FYCO1: variants seen among roughly 807,000 people sequenced by gnomAD.
FYCO1 encodes FYVE and coiled-coil domain autophagy adaptor 1, also known as FYVE and coiled-coil domain-containing protein 1.
A neutral mutation model predicts 165.1 loss-of-function variants in FYCO1; 122 were observed. The observed-to-expected ratio is 0.74, with a 90% confidence interval of 0.64 to 0.86. The LOEUF (loss-of-function observed/expected upper bound fraction) is 0.86. FYCO1 is among the 40% of genes least tolerant of loss of function. The pLI is 0.00. For missense variants in FYCO1, 1,702 were observed against 1,810.3 expected, an observed-to-expected ratio of 0.94 and a Z score of 1.09; for synonymous variants, 648 against 742.5, an observed-to-expected ratio of 0.87 and a Z score of 2.07.
Position 45,923,714 on chromosome 3 carries a change from G to A in FYCO1, c.4303C>T (p.Gln1435Ter), listed in dbSNP as rs1703193571. 6.2e-7 allele frequency: 1 copy of A among 1,614,172 alleles called. No individual in the cohort carries two copies. The highest frequency in any genetic ancestry group is 8.5e-7 in the Non-Finnish European group (1 of 1,180,012). The change falls in exon 17 of 18, where the codon CAG becomes TAG. Residue 1435 changes from glutamine to a stop codon, truncating the protein, a stop_gained. Coordinates refer to ENST00000296137, the MANE Select transcript of FYCO1 (RefSeq NM_024513.4). LOFTEE classifies it high-confidence loss of function. Reference protein sequence around the residue: ...CNSHKENIQGQLKVRTPGIYM... With the variant: ...CNSHKENIQG Reference sequence around the variant, plus strand: ...ATGCCGGGTGTGCGAACCTTGAGCTGGCCCTGGATGTTCTCCTTGTGGGAG... The same window carrying A: ...ATGCCGGGTGTGCGAACCTTGAGCTAGCCCTGGATGTTCTCCTTGTGGGAG...
chr3:45,989,302 G>A (rs1457742083), intron 1 of FYCO1, among the ~76,000 whole-genome samples: 1 of 152,186 alleles, frequency 6.6e-6, no homozygotes, highest in African/African-American at 2.4e-5. Context: ...TTCTGGAAGA[G>A]TCCATTGCCT....
In FYCO1 at chr3:45,931,241, C is replaced by T. The variant is rs149020169; in HGVS notation, c.4081G>A (p.Gly1361Arg). 5.5e-5 allele frequency: 89 copies of T among 1,613,912 alleles called. No individual in the cohort carries two copies. Among genetic ancestry groups the T allele is most frequent in the Non-Finnish European group, 6.9e-5 (82 of 1,179,950 alleles). ...ACAAACAGCTCCCTGCTACCCTCCC[C>T]GAAGCTGGCGATCTCATCCACTGTG... ...PLTVDEIASF[G>R]EGSRELFVRS... is the part of the protein sequence containing the mutation. Residue 1361 changes from glycine to arginine, a missense_variant, in exon 16 of 18, where the codon GGG (glycine) becomes AGG (arginine). By Grantham distance (125) the Gly-to-Arg change is moderately radical. Coordinates refer to ENST00000296137, the MANE Select transcript of FYCO1 (RefSeq NM_024513.4).
In FYCO1 at chr3:45,966,378, C is replaced by G. The variant is rs1009952955; in HGVS notation, c.2956G>C (p.Glu986Gln). Residue 986 changes from glutamate (E) to glutamine (Q), a missense_variant, in exon 8 of 18, where the codon GAG becomes CAG. By Grantham distance (29) the Glu-to-Gln change is conservative. Coordinates refer to ENST00000296137, the MANE Select transcript of FYCO1 (RefSeq NM_024513.4). ...TCTTGGAGGCTCTGGGCCCGCTGCT[C>G]TGCCTGGGCGAGCTGGGCCTGCAGG... ...PGLQAQLAQA[E>Q]QRAQSLQEAA... 1 of 1,614,014 alleles carries G rather than the reference C, an allele frequency of 6.2e-7. No individual in the cohort carries two copies. Among genetic ancestry groups the G allele is most frequent in the East Asian group, 2.2e-5 (1 of 44,898 alleles).
chr3:45,963,638 C>T (rs1705826324), intron 10 of FYCO1, among the ~76,000 whole-genome samples: 1 of 152,210 alleles, frequency 6.6e-6, no homozygotes, highest in Admixed American at 6.5e-5. Context: ...ACTCCTCCTC[C>T]CTGCTACACC....
rs1575370511 is a variant in FYCO1 at position 45,967,560 on chromosome 3, G to C, written c.1774C>G (p.Gln592Glu). 9.3e-6 allele frequency: 15 copies of C among 1,613,906 alleles called. No individual in the cohort carries two copies. The East Asian group carries it at 2.9e-4, about 31-fold the overall frequency. ...AACTGTGCCTCCTGCAGGCCCCTCT[G>C]CTCCTCCTCTGGCTTCCCCCAGGCC... ...QEAWGKPEEEQRGLQEAQLDD... is the reference protein window; with the variant it reads ...QEAWGKPEEEERGLQEAQLDD... Residue 592 changes from glutamine to glutamate, a missense_variant, in exon 8 of 18, where the codon CAG becomes GAG. By Grantham distance (29) the Gln-to-Glu change is conservative. Transcript: ENST00000296137.
intron 4 of FYCO1, among the ~76,000 whole-genome samples, chr3:45,978,644 C>T (rs1463934857): frequency 6.6e-6 from 1 of 152,206 alleles, no homozygotes; most frequent in Non-Finnish European, 1.5e-5. Flanking sequence ...TTTAAACTGA[C>T]TTCACACTTA....
At position 45,993,647 on chromosome 3, in the gene FYCO1, G is replaced by A. The variant is rs188432228; in HGVS notation, c.-113+2075C>T. Among the ~76,000 whole-genome samples, 23 of 152,256 alleles carry A rather than the reference G, an allele frequency of 1.5e-4. No homozygotes were observed. Among genetic ancestry groups the A allele is most frequent in the Admixed American group, 1.4e-3 (21 of 15,298 alleles). The stretch of plus-strand genomic sequence containing the variant: ...AGCAGATGTTGCCCTGACCATAATG[G>A]ACTCATCTGTGCTCACAAGTTGCCT... On this transcript the variant is annotated intron_variant, in intron 1 of 17. Coordinates refer to ENST00000296137, the MANE Select transcript of FYCO1 (RefSeq NM_024513.4). The surrounding 1 kb of genome is among the most constrained non-coding windows in gnomAD (Gnocchi z 4.4).
intron 4 of FYCO1, among the ~76,000 whole-genome samples, chr3:45,979,103 G>A (rs1032649974): frequency 4.0e-5 from 6 of 151,844 alleles, no homozygotes; most frequent in Non-Finnish European, 5.9e-5. Context: ...CTCGTGATCT[G>A]CCCGCCTCGG....
Position 45,955,404 on chromosome 3 carries a change from G to A in FYCO1, c.3800-11C>T. On this transcript the variant is annotated splice_polypyrimidine_tract_variant and intron_variant, in intron 13 of 17. Transcript: ENST00000296137. ...AGTCTGTATTTGCTCCTGGGCAGCAGAGGCAGATCAGGAGAGAAGAGACAC... is the reference window on the plus strand; with the variant it reads ...AGTCTGTATTTGCTCCTGGGCAGCAAAGGCAGATCAGGAGAGAAGAGACAC... The A allele has an allele frequency of 3.7e-6, 6 of 1,614,136 alleles. No homozygotes were observed. The highest frequency in any genetic ancestry group is 5.1e-6 in the Non-Finnish European group (6 of 1,180,018).
At chr3:45,961,765 T>C (rs1705708641) in intron 11 of FYCO1, among the ~76,000 whole-genome samples, 1 of 152,158 alleles carries the variant, frequency 6.6e-6, no homozygotes, top group Non-Finnish European at 1.5e-5. Flanking sequence ...TGAAGCTGGG[T>C]GACAGGTACC....
intron 16 of FYCO1, among the ~76,000 whole-genome samples, chr3:45,928,547 C>A (rs1297201736): frequency 1.3e-5 from 2 of 152,216 alleles, no homozygotes; most frequent in African/African-American, 4.8e-5. Context: ...GAGGGTGGCA[C>A]AGGGTGGAGA....
intron 6 of FYCO1, among the ~76,000 whole-genome samples, chr3:45,971,137 T>C (rs1181647784): frequency 6.6e-6 from 1 of 152,144 alleles, no homozygotes; most frequent in Non-Finnish European, 1.5e-5. Flanking sequence ...AATGGGATAA[T>C]GTAAGCTTCA....
rs776997220 is a variant in FYCO1 at position 45,967,725 on chromosome 3, T to G, written c.1609A>C (p.Lys537Gln). 51 of 1,613,166 alleles carry G rather than the reference T, an allele frequency of 3.2e-5. No homozygotes were observed. Among genetic ancestry groups the G allele is most frequent in the Middle Eastern group, 3.3e-4 (2 of 6,084 alleles). The change falls in exon 8 of 18, where the codon AAG becomes CAG. Residue 537 changes from lysine to glutamine, a missense_variant. Coordinates refer to ENST00000296137, the MANE Select transcript of FYCO1 (RefSeq NM_024513.4). ...QHVSDLEEQK[K>Q]QLIQDKDHLS... The stretch of plus-strand genomic sequence containing the variant: ...TGGTCTTTGTCCTGAATGAGCTGCT[T>G]CTTCTGCTCCTCCAGGTCACTCACA...
At chr3:45,985,252 A>G (rs754804053) in intron 1 of FYCO1, among the ~76,000 whole-genome samples, 2 of 152,154 alleles carry the variant, frequency 1.3e-5, no homozygotes, top group Non-Finnish European at 2.9e-5. Flanking sequence ...AAGAAATTAG[A>G]TCAATCATAT....
At chr3:45,981,357 C>G (rs1707043701) in intron 3 of FYCO1, among the ~76,000 whole-genome samples, 1 of 152,206 alleles carries the variant, frequency 6.6e-6, no homozygotes, top group South Asian at 2.1e-4. Context: ...TCTTGATTCT[C>G]AAAGCCATCC....
intron 16 of FYCO1, among the ~76,000 whole-genome samples, chr3:45,926,436 G>A (rs573385042): frequency 6.6e-6 from 1 of 152,300 alleles, no homozygotes; most frequent in East Asian, 1.9e-4. Context: ...TGATAAATAT[G>A]TCAGTTCATT....
At chr3:45,975,832 G>A (rs533523739) in intron 4 of FYCO1, among the ~76,000 whole-genome samples, 2 of 152,288 alleles carry the variant, frequency 1.3e-5, no homozygotes, top group South Asian at 2.1e-4. Flanking sequence ...TTTAAGGTGC[G>A]TGGGGAACAG....
chr3:45,938,208 G>A (rs1280583821), intron 14 of FYCO1: 12 of 1,288,822 alleles, frequency 9.3e-6, no homozygotes, highest in Non-Finnish European at 1.1e-5. Context: ...GCAAGCAGAT[G>A]ATTCACAGAG....
chr3:45,952,815 C>T (rs1705105012), intron 14 of FYCO1, among the ~76,000 whole-genome samples: 2 of 152,170 alleles, frequency 1.3e-5, no homozygotes, highest in South Asian at 4.1e-4. Flanking sequence ...GGTTTCTGGT[C>T]CTGCTCACTT....
Sources: allele counts gnomAD v4.1 joint callset (sites outside exome capture counted in the v4.1 genomes callset), GRCh38; gene constraint gnomAD v4.1.1; non-coding constraint Gnocchi (gnomAD v3.1); transcripts MANE v1.5; gene names NCBI Gene and HGNC (gene_info 2026-07-23, HGNC 2026-07-21).